Variants in DENND4A observed in about 807,000 individuals in gnomAD.
The protein encoded by DENND4A is C-myc promoter-binding protein.
Under a neutral mutation model 199.3 loss-of-function variants are expected in DENND4A, and 70 were observed. The observed-to-expected ratio is 0.35, with a 90% CI of 0.29 to 0.43. DENND4A has a LOEUF of 0.43. DENND4A is among the 20% of genes least tolerant of loss of function. The pLI is 1.00. For synonymous variants in DENND4A, 686 were observed against 766.9 expected (o/e 0.89, Z 1.74); for missense variants, 1,723 against 2,255.8 (o/e 0.76, Z 4.78).
At chr15:65,771,447 T>G in intron 1 of DENND4A, 1 of 1,602,400 alleles carries the variant, frequency 6.2e-7, no homozygotes, top group Non-Finnish European at 8.5e-7. Context: ...TCTGTCTGCG[T>G]TTTAATAGTT....
chr15:65,697,845 T>G (rs1268351414), intron 20 of DENND4A, among the ~76,000 whole-genome samples: 13 of 152,186 alleles, frequency 8.5e-5, no homozygotes, highest in African/African-American at 3.1e-4. Context: ...TTCTTCAAAT[T>G]TATTGATGGG....
chr15:65,719,710 G>C (rs2075546350), intron 12 of DENND4A, among the ~76,000 whole-genome samples: 1 of 147,096 alleles, frequency 6.8e-6, no homozygotes, highest in Non-Finnish European at 1.5e-5. Flanking sequence ...GCAATATAGT[G>C]AGATCCCATC....
chr15:65,686,536 T>A (rs1204899884), intron 23 of DENND4A, among the ~76,000 whole-genome samples: 1 of 152,208 alleles, frequency 6.6e-6, no homozygotes, highest in Non-Finnish European at 1.5e-5. Flanking sequence ...CATGGATAAT[T>A]ATTGTGTCTT....
rs562370216 is a variant in DENND4A at position 65,757,069 on chromosome 15, C to T, written c.-22-597G>A. ...ATAAATAAATAAATAAATGCACAGT[C>T]GTTCAGTAAACGCTTTTAAATATAA... On this transcript the variant is annotated intron_variant, in intron 2 of 32. Transcript: ENST00000443035. Among the ~76,000 whole-genome samples, 47 of 152,020 alleles carry T rather than the reference C, an allele frequency of 3.1e-4. No individual in the cohort carries two copies. In the South Asian group the frequency reaches 9.1e-3, roughly 30 times the overall value.
At chr15:65,729,347 C>T (rs1343360899) in intron 10 of DENND4A, 100 bp from the exon 11 acceptor site, 4 of 1,397,760 alleles carry the variant, frequency 2.9e-6, no homozygotes, top group Non-Finnish European at 4.0e-6. Context: ...TATCTAAAGC[C>T]TAATGCCTGA....
intron 19 of DENND4A, 132 bp downstream of exon 19, chr15:65,700,919 G>T: frequency 9.5e-7 from 1 of 1,051,858 alleles, no homozygotes; most frequent in Non-Finnish European, 1.3e-6. Context: ...AATGGGAAGA[G>T]TAATATAATT....
chr15:65,692,058 T>G (rs932784881), intron 22 of DENND4A, among the ~76,000 whole-genome samples: 1 of 151,502 alleles, frequency 6.6e-6, no homozygotes, highest in African/African-American at 2.4e-5. Flanking sequence ...CTGCTTTGGC[T>G]TCCCAAAGTG....
In DENND4A at chr15:65,711,863, G is replaced by A. The variant is rs568408894; in HGVS notation, c.1953+3615C>T. 1.3e-3 allele frequency among the ~76,000 whole-genome samples: 196 copies of A among 152,208 alleles called. 1 individual carries two copies. The highest frequency in any genetic ancestry group is 4.6e-3 in the African/African-American group (191 of 41,528). On this transcript the variant is annotated intron_variant, in intron 14 of 32. Coordinates refer to ENST00000443035, the MANE Select transcript of DENND4A (RefSeq NM_001320835.1). ...TTGTTTAGAGACAGGGTCTCACTAC[G>A]TTGCCCAGGCTAGACTCCAACTCCT...
chr15:65,696,313 T>C, intron 22 of DENND4A, 53 bp downstream of exon 22: 1 of 1,570,112 alleles, frequency 6.4e-7, no homozygotes, highest in South Asian at 1.2e-5. Flanking sequence ...TATTCACTAG[T>C]CATACAGATA....
intron 3 of DENND4A, among the ~76,000 whole-genome samples, 150 bp downstream of exon 3, chr15:65,755,988 CAG>C (rs2076691007): frequency 6.6e-6 from 1 of 152,120 alleles, no homozygotes; most frequent in African/African-American, 2.4e-5. Flanking sequence ...CAAAAGGAAA[CAG>C]GGAGAGAATA....
At chr15:65,689,510 G>A (rs1360719765) in intron 23 of DENND4A, among the ~76,000 whole-genome samples, 1 of 152,154 alleles carries the variant, frequency 6.6e-6, no homozygotes, top group Non-Finnish European at 1.5e-5. Context: ...CAGATAACCT[G>A]AGTCAAGTCT....
At position 65,732,836 on chromosome 15, in the gene DENND4A, G is replaced by A; in HGVS notation, c.1041-18C>T. ...AAATATGCCTTGAAAACAAACAAAA[G>A]TGTAAGTGATTCCAAAGTGAACGTC... is the stretch of plus-strand genomic sequence containing the variant. On this transcript the variant is annotated intron_variant, in intron 7 of 32. Transcript: ENST00000443035. 6.7e-7 allele frequency: 1 copy of A among 1,496,566 alleles called. No homozygotes were observed. Among genetic ancestry groups the A allele is most frequent in the Non-Finnish European group, 9.3e-7 (1 of 1,078,950 alleles). The allele number at this position is 1,496,566 out of a possible 1,614,324, so 92.7% of individuals were successfully genotyped here.
intron 29 of DENND4A, 115 bp downstream of exon 29, chr15:65,667,334 A>C (rs1173425336): frequency 7.8e-7 from 1 of 1,282,418 alleles, no homozygotes; most frequent in Non-Finnish European, 1.1e-6. Context: ...GTCTCAAAAA[A>C]TAAAATAAAA....
intron 3 of DENND4A, 114 bp downstream of exon 3, chr15:65,756,026 A>G: frequency 2.2e-6 from 2 of 928,490 alleles, no homozygotes; most frequent in Non-Finnish European, 1.6e-6. Context: ...AAACTTGTGT[A>G]TTTTTCTAAA....
rs2075769565 is a variant in DENND4A at position 65,659,207 on chromosome 15, T to C, written c.*2644A>G. 6.6e-6 allele frequency: 1 copy of C among 151,370 alleles called. No individual in the cohort carries two copies. The highest frequency in any genetic ancestry group is 1.5e-5 in the Non-Finnish European group (1 of 67,974). The allele number at this position is 151,370 out of a possible 1,614,324, so 9.4% of individuals were successfully genotyped here. ...GTAAGAAAATAAAAGACAGATGCTG[T>C]AGCAAAAGGGCATTTCTCTCCAACA... On this transcript the variant is annotated 3_prime_UTR_variant, in exon 33 of 33. Coordinates refer to ENST00000443035, the MANE Select transcript of DENND4A (RefSeq NM_001320835.1).
chr15:65,739,007 A>C (rs764189112), intron 5 of DENND4A, 132 bp from the exon 6 acceptor site: 24 of 605,190 alleles, frequency 4.0e-5, no homozygotes, highest in Non-Finnish European at 5.6e-5. Context: ...TCATCAAATA[A>C]CACTGAATAC....
Position 65,729,109 on chromosome 15 carries a change from C to T in DENND4A, c.1450G>A (p.Val484Ile). The T allele has an allele frequency of 6.3e-7, 1 of 1,593,096 alleles. No homozygotes were observed. Among genetic ancestry groups the T allele is most frequent in the Non-Finnish European group, 8.6e-7 (1 of 1,168,528 alleles). ...YFDLYDPPPD[V>I]SCVDVDTNTI... ...TTGGTATCTACATCAACACAACTGACATCTGGTGGAGGATCATAGAGATCA... is the reference window on the plus strand; with the variant it reads ...TTGGTATCTACATCAACACAACTGATATCTGGTGGAGGATCATAGAGATCA... Residue 484 changes from valine to isoleucine, a missense_variant, in exon 11 of 33, where the codon GTC becomes ATC. Val to Ile is a conservative substitution (Grantham distance 29). Coordinates refer to ENST00000443035, the MANE Select transcript of DENND4A (RefSeq NM_001320835.1).
At chr15:65,774,868 CTTTTTTTT>C (rs397854207) in intron 1 of DENND4A, among the ~76,000 whole-genome samples, 6 of 112,062 alleles carry the variant, frequency 5.4e-5, no homozygotes, top group Non-Finnish European at 1.1e-4. Context: ...CAAATGTTTA[CTTTTTTTT>C]TTTTTTTTTT....
chr15:65,720,288 T>C (rs2075571208), intron 12 of DENND4A, among the ~76,000 whole-genome samples: 1 of 152,200 alleles, frequency 6.6e-6, no homozygotes. Context: ...AAGTTTGTTA[T>C]TACTTCAAAA....
Sources: gnomAD v4.1 joint callset for allele counts (sites outside exome capture counted in the v4.1 genomes callset) on GRCh38, gnomAD v4.1.1 for gene constraint, MANE v1.5 for transcripts, NCBI Gene and HGNC (gene_info 2026-07-23, HGNC 2026-07-21) for gene names.